The following NRG2 variants were observed in gnomAD, a reference collection of about 807,000 sequenced individuals.
NRG2 encodes the protein pro-neuregulin-2, membrane-bound isoform.
Under a neutral mutation model 73.9 loss-of-function variants are expected in NRG2, and 27 were observed. That is an observed-to-expected ratio of 0.37 (90% CI 0.27 to 0.50). NRG2 has a LOEUF of 0.50. NRG2 is among the 20% of genes least tolerant of loss of function. The pLI is 0.96. For synonymous variants in NRG2, 532 were observed against 541.0 expected (o/e 0.98, Z 0.23); for missense variants, 1,126 against 1,210.1 (o/e 0.93, Z 1.03).
At chr5:139,881,049 G>T (rs949097853) in intron 2 of NRG2, 75 bp from the exon 3 acceptor site, 2 of 1,251,558 alleles carry the variant, frequency 1.6e-6, no homozygotes, top group Non-Finnish European at 2.3e-6. Flanking sequence ...TCACCCAGCG[G>T]TTGCCTCTCT....
At chr5:140,025,949 T>C (rs1174909722) in intron 1 of NRG2, among the ~76,000 whole-genome samples, 1 of 152,070 alleles carries the variant, frequency 6.6e-6, no homozygotes, top group Admixed American at 6.5e-5. Flanking sequence ...AGAAGAGCAA[T>C]GAACTGCTAC....
chr5:139,867,595 G>T (rs1278060021), intron 4 of NRG2, among the ~76,000 whole-genome samples: 1 of 152,148 alleles, frequency 6.6e-6, no homozygotes, highest in Non-Finnish European at 1.5e-5. Context: ...TTGTGATGGG[G>T]ACTAGAGAGG....
chr5:140,015,597 G>A (rs1470337665), intron 1 of NRG2, among the ~76,000 whole-genome samples: 1 of 152,160 alleles, frequency 6.6e-6, no homozygotes, highest in Non-Finnish European at 1.5e-5. Context: ...GCATTCTAGG[G>A]TCCACGTCTA....
intron 1 of NRG2, among the ~76,000 whole-genome samples, chr5:139,901,136 C>T (rs367859943): frequency 6.7e-4 from 102 of 152,352 alleles, no homozygotes; most frequent in African/African-American, 2.3e-3. Flanking sequence ...TGCCCTACCC[C>T]AGCTGTACCG....
chr5:140,016,328 AT>A (rs1561754638), intron 1 of NRG2, among the ~76,000 whole-genome samples: 1 of 152,206 alleles, frequency 6.6e-6, no homozygotes, highest in African/African-American at 2.4e-5. Flanking sequence ...TGAAACTAAA[AT>A]TTTGGACCAG....
At position 139,853,501 on chromosome 5, in the gene NRG2, C is replaced by A. The variant is rs1372376253; in HGVS notation, c.1293-474G>T. Among the ~76,000 whole-genome samples the A allele has an allele frequency of 1.3e-5, 2 of 152,180 alleles. No individual in the cohort carries two copies. Among genetic ancestry groups the A allele is most frequent in the Non-Finnish European group, 2.9e-5 (2 of 68,026 alleles). Reference sequence around the variant, plus strand: ...GACAATAGATAGGTAGATAGGGAATCCACCCTCCTGAAGCCTGCAGGCCAG... The same window carrying A: ...GACAATAGATAGGTAGATAGGGAATACACCCTCCTGAAGCCTGCAGGCCAG... On this transcript the variant is annotated intron_variant, in intron 6 of 9. Coordinates refer to ENST00000361474, the MANE Select transcript of NRG2 (RefSeq NM_004883.3). This position sits in a 1 kb window ranked among gnomAD's most constrained non-coding sequence, Gnocchi z 4.1.
chr5:139,916,767 A>G (rs1282471787), intron 1 of NRG2, among the ~76,000 whole-genome samples: 1 of 152,194 alleles, frequency 6.6e-6, no homozygotes, highest in Admixed American at 6.5e-5. Context: ...CATTATATGT[A>G]TATATACCAG....
chr5:139,939,690 G>A (rs747152384), intron 1 of NRG2, among the ~76,000 whole-genome samples: 4 of 152,138 alleles, frequency 2.6e-5, no homozygotes, highest in Non-Finnish European at 5.9e-5. Flanking sequence ...AAAGGCAAAG[G>A]AGAAATTGGA....
intron 1 of NRG2, among the ~76,000 whole-genome samples, chr5:140,003,185 C>T (rs968490615): frequency 2.0e-5 from 3 of 152,170 alleles, no homozygotes; most frequent in Non-Finnish European, 4.4e-5. Flanking sequence ...GCTACTTCAT[C>T]AGTGGGAGTC....
At chr5:139,924,671 G>A (rs1210667191) in intron 1 of NRG2, among the ~76,000 whole-genome samples, 1 of 152,072 alleles carries the variant, frequency 6.6e-6, no homozygotes, top group African/African-American at 2.4e-5. Flanking sequence ...ATATTTCTGT[G>A]TCCTCTTTAC....
In NRG2 at chr5:139,977,469, G is replaced by A. The variant is rs1038074529; in HGVS notation, c.700+64901C>T. Among the ~76,000 whole-genome samples, 32 of 152,240 alleles carry A rather than the reference G, an allele frequency of 2.1e-4. 1 individual carries two copies. The highest frequency in any genetic ancestry group is 2.6e-4 in the African/African-American group (11 of 41,540). Reference sequence around the variant, plus strand: ...TCAGTAGACAATGGGATTGGCAGGCGTCAAGGTATGGGTAGGAAGAATCAA... The same window carrying A: ...TCAGTAGACAATGGGATTGGCAGGCATCAAGGTATGGGTAGGAAGAATCAA... On this transcript the variant is annotated intron_variant, in intron 1 of 9. Transcript: ENST00000361474.
At chr5:139,911,570 C>T (rs866306659) in intron 1 of NRG2, among the ~76,000 whole-genome samples, 6 of 152,306 alleles carry the variant, frequency 3.9e-5, no homozygotes, top group Middle Eastern at 3.4e-3. Context: ...AGAAAGCCTG[C>T]GGCATGGTAC....
chr5:139,999,126 A>G (rs1443759675), intron 1 of NRG2, among the ~76,000 whole-genome samples: 2 of 152,160 alleles, frequency 1.3e-5, no homozygotes, highest in Non-Finnish European at 2.9e-5. Context: ...CAACTCCATG[A>G]GGCATTCTGT....
At chr5:139,889,557 C>T (rs989779687) in intron 1 of NRG2, among the ~76,000 whole-genome samples, 1 of 152,146 alleles carries the variant, frequency 6.6e-6, no homozygotes, top group African/African-American at 2.4e-5. Flanking sequence ...TTTCTTACAG[C>T]ATCATTTTTC....
chr5:140,024,237 T>TTAC (rs1760482651), intron 1 of NRG2, among the ~76,000 whole-genome samples: 1 of 152,022 alleles, frequency 6.6e-6, no homozygotes, highest in Non-Finnish European at 1.5e-5. Flanking sequence ...GTCCTGAGGG[T>TTAC]TACTAACAGA....
intron 1 of NRG2, among the ~76,000 whole-genome samples, chr5:139,975,311 C>G (rs536748808): frequency 1.3e-5 from 2 of 152,352 alleles, no homozygotes; most frequent in South Asian, 2.1e-4. Flanking sequence ...ACCCTTTTGC[C>G]TGTTCTGCAT....
intron 5 of NRG2, chr5:139,859,789 A>AT (rs1282843831): frequency 3.1e-6 from 4 of 1,301,452 alleles, no homozygotes; most frequent in African/African-American, 2.9e-5. Context: ...TCCCTTTTCC[A>AT]TTTTTTGGAA....
intron 1 of NRG2, among the ~76,000 whole-genome samples, chr5:139,922,172 C>T (rs1357678809): frequency 6.6e-6 from 1 of 151,442 alleles, no homozygotes; most frequent in Non-Finnish European, 1.5e-5. Context: ...TTGCAAAGGA[C>T]ACATCTAATA....
chr5:139,984,012 G>A (rs1368152577), intron 1 of NRG2, among the ~76,000 whole-genome samples: 2 of 152,150 alleles, frequency 1.3e-5, no homozygotes, highest in African/African-American at 2.4e-5. Context: ...CAACTGCAAT[G>A]GGCATGCAAG....
Sources: allele counts gnomAD v4.1 joint callset (sites outside exome capture counted in the v4.1 genomes callset), GRCh38; gene constraint gnomAD v4.1.1; non-coding constraint Gnocchi (gnomAD v3.1); transcripts MANE v1.5; gene names NCBI Gene and HGNC (gene_info 2026-07-23, HGNC 2026-07-21).